The following PPP2R2C variants were observed in gnomAD, a reference collection of about 807,000 sequenced individuals.
The protein encoded by PPP2R2C is protein phosphatase 2, regulatory subunit B, gamma.
Under a neutral mutation model 45.3 loss-of-function variants are expected in PPP2R2C, and 10 were observed. That is an observed-to-expected ratio of 0.22 (90% CI 0.14 to 0.37). The LOEUF (loss-of-function observed/expected upper bound fraction) is 0.37. Among genes scored for constraint, PPP2R2C ranks in the 10% least tolerant of loss-of-function variants. The pLI is 1.00. For missense variants in PPP2R2C, 308 were observed against 619.7 expected (o/e 0.50, Z 5.34); for synonymous variants, 257 against 245.4 (o/e 1.05, Z -0.44).
At chr4:6,382,636 C>G (rs1257554565) in intron 1 of PPP2R2C, 16 of 85,602 alleles carry the variant, frequency 1.9e-4, no homozygotes, top group African/African-American at 9.0e-4. Flanking sequence ...CTCTCTCTCT[C>G]TCTCTCTCTC....
rs1021027011 is a variant in PPP2R2C at position 6,563,369 on chromosome 4, G to A, written c.-59+191C>T. ...AGCCCTGCCCCAGGACCGCCCCGGG[G>A]TCGGTGCCCGGGCTCTCTGAGTCTC... is the stretch of plus-strand genomic sequence containing the variant. On this transcript the variant is annotated intron_variant, in intron 1 of 9. Transcript: ENST00000506140. The surrounding 1 kb of genome is among the most constrained non-coding windows in gnomAD (Gnocchi z 5.8). Among the ~76,000 whole-genome samples, 1 of 152,202 alleles carries A rather than the reference G, an allele frequency of 6.6e-6. No individual in the cohort carries two copies. Among genetic ancestry groups the A allele is most frequent in the African/African-American group, 2.4e-5 (1 of 41,466 alleles).
intron 6 of PPP2R2C, among the ~76,000 whole-genome samples, chr4:6,336,973 C>A (rs1280088408): frequency 9.9e-6 from 1 of 101,104 alleles, no homozygotes; most frequent in African/African-American, 3.4e-5. Context: ...AGGATGGGTA[C>A]GGTAGGGGTA....
rs1217416771 is a variant in PPP2R2C, at chr4:6,328,125, G to A, written c.1052+1137C>T. Among the ~76,000 whole-genome samples the A allele has an allele frequency of 6.6e-6, 1 of 152,116 alleles. No homozygotes were observed. The highest frequency in any genetic ancestry group is 1.5e-5 in the Non-Finnish European group (1 of 68,012). On this transcript the variant is annotated intron_variant, in intron 8 of 8. Coordinates refer to ENST00000382599, the MANE Select transcript of PPP2R2C (RefSeq NM_020416.4). The surrounding 1 kb of genome is among the most constrained non-coding windows in gnomAD (Gnocchi z 4.4). The stretch of plus-strand genomic sequence containing the variant: ...GCCCAGACCTGTCATGTTGACTGAT[G>A]CCATCCACAGGGTGGACAGCCCCCC...
chr4:6,508,000 A>G (rs1723295040), intron 2 of PPP2R2C, among the ~76,000 whole-genome samples: 1 of 152,254 alleles, frequency 6.6e-6, no homozygotes, highest in South Asian at 2.1e-4. Flanking sequence ...GATGCTGAGC[A>G]CAGTGACACA....
At chr4:6,373,066 T>C (rs535148572) in intron 4 of PPP2R2C, among the ~76,000 whole-genome samples, 53 of 152,374 alleles carry the variant, frequency 3.5e-4, no homozygotes, top group Non-Finnish European at 1.5e-4. Flanking sequence ...GCTGTCTACA[T>C]GTGGACTACA....
chr4:6,503,316 T>A (rs576361771), intron 2 of PPP2R2C, among the ~76,000 whole-genome samples: 13 of 152,292 alleles, frequency 8.5e-5, no homozygotes, highest in African/African-American at 3.1e-4. Context: ...ATGCACACAT[T>A]CACTCAGCCA....
Position 6,532,824 on chromosome 4 carries a change from A to G in PPP2R2C, c.49+2447T>C, listed in dbSNP as rs369555518. On this transcript the variant is annotated intron_variant, in intron 2 of 9. Coordinates refer to the PPP2R2C transcript ENST00000506140. The stretch of plus-strand genomic sequence containing the variant: ...CCTGTTCCTCACATTGCCAGCCAAC[A>G]TTCTGAGTCAAGTCCCAAGGCAGCA... Among the ~76,000 whole-genome samples, 18 of 152,262 alleles carry G rather than the reference A, an allele frequency of 1.2e-4. No homozygotes were observed. In the East Asian group the frequency reaches 2.3e-3, roughly 20 times the overall value.
intron 1 of PPP2R2C, among the ~76,000 whole-genome samples, chr4:6,424,596 T>C (rs1406963417): frequency 3.9e-5 from 6 of 152,172 alleles, no homozygotes; most frequent in African/African-American, 1.4e-4. Context: ...TGTCGATACA[T>C]TGACACAGGA....
chr4:6,404,168 C>T (rs1052101270), intron 1 of PPP2R2C, among the ~76,000 whole-genome samples: 1 of 152,146 alleles, frequency 6.6e-6, no homozygotes, highest in African/African-American at 2.4e-5. Context: ...GGGTGCTGGG[C>T]ACTGCAACAG....
chr4:6,383,325 T>C, intron 1 of PPP2R2C: 1 of 1,285,544 alleles, frequency 7.8e-7, no homozygotes, highest in Non-Finnish European at 1.0e-6. Flanking sequence ...GACCACAGAA[T>C]CGCAGATGCA....
At chr4:6,522,164 G>C (rs1327043837) in intron 2 of PPP2R2C, among the ~76,000 whole-genome samples, 3 of 152,110 alleles carry the variant, frequency 2.0e-5, no homozygotes, top group African/African-American at 7.2e-5. Context: ...TGCCTTTCCT[G>C]GTCCCTTGGC....
chr4:6,324,851 G>A lies in PPP2R2C; in HGVS notation c.1053-1258C>T, dbSNP rs192700121. Among the ~76,000 whole-genome samples the A allele has an allele frequency of 9.2e-5, 14 of 152,362 alleles. No homozygotes were observed. The highest frequency in any genetic ancestry group is 3.4e-4 in the African/African-American group (14 of 41,584). On this transcript the variant is annotated intron_variant, in intron 8 of 8. Transcript: ENST00000382599. This position sits in a 1 kb window ranked among gnomAD's most constrained non-coding sequence, Gnocchi z 4.1. The stretch of plus-strand genomic sequence containing the variant: ...CCCAGAGGGAGGGTTTTGGGGTTTG[G>A]CCTCTGCAGGGCCCTGGAGCAGCTG...
At chr4:6,480,563 A>C (rs2108778057) in intron 2 of PPP2R2C, among the ~76,000 whole-genome samples, 1 of 152,214 alleles carries the variant, frequency 6.6e-6, no homozygotes, top group African/African-American at 2.4e-5. Context: ...CTGTCCACCC[A>C]CCCACATAAT....
Position 6,472,317 on chromosome 4 carries a change from C to T in PPP2R2C, c.-88G>A, listed in dbSNP as rs1721945021. The stretch of plus-strand genomic sequence containing the variant: ...GTCGCGCCGGGCGCGCGGGCCATGC[C>T]GCCGCAGCCTAGCAGGGGCGCGGGC... On this transcript the variant is annotated 5_prime_UTR_variant, in exon 1 of 9. Coordinates refer to ENST00000382599, the MANE Select transcript of PPP2R2C (RefSeq NM_020416.4). The T allele has an allele frequency of 5.7e-6, 9 of 1,572,846 alleles. No individual in the cohort carries two copies. The Admixed American group carries it at 1.0e-4, about 18-fold the overall frequency.
At chr4:6,350,793 G>A (rs1016843489) in intron 5 of PPP2R2C, 2 of 985,256 alleles carry the variant, frequency 2.0e-6, no homozygotes, top group African/African-American at 3.5e-5. Flanking sequence ...CCAGCACGTG[G>A]TCTGCTGTGA....
intron 6 of PPP2R2C, among the ~76,000 whole-genome samples, chr4:6,335,098 C>G (rs1008662866): frequency 1.3e-5 from 2 of 152,246 alleles, no homozygotes; most frequent in Non-Finnish European, 2.9e-5. Context: ...TTTATTCACT[C>G]AGTCAACCAA....
intron 2 of PPP2R2C, among the ~76,000 whole-genome samples, chr4:6,512,494 G>T (rs1178313235): frequency 1.1e-4 from 6 of 54,614 alleles, no homozygotes; most frequent in Non-Finnish European, 1.6e-4. Context: ...GATGGTGATG[G>T]TGGTGGTGGT....
At chr4:6,430,750 C>T (rs1176405016) in intron 1 of PPP2R2C, among the ~76,000 whole-genome samples, 1 of 152,044 alleles carries the variant, frequency 6.6e-6, no homozygotes, top group Non-Finnish European at 1.5e-5. Flanking sequence ...CATGGTGAAA[C>T]ACCGCCTCCA....
At chr4:6,480,721 T>C (rs1016711314) in intron 2 of PPP2R2C, among the ~76,000 whole-genome samples, 1 of 152,232 alleles carries the variant, frequency 6.6e-6, no homozygotes, top group Non-Finnish European at 1.5e-5. Flanking sequence ...ACATTCCTTC[T>C]GGGTCATGCA....
Sources: gnomAD v4.1 joint callset for allele counts (sites outside exome capture counted in the v4.1 genomes callset) on GRCh38, gnomAD v4.1.1 for gene constraint, Gnocchi (gnomAD v3.1) non-coding constraint, MANE v1.5 for transcripts, NCBI Gene and HGNC (gene_info 2026-07-23, HGNC 2026-07-21) for gene names.